Variants in KIAA0586 observed in about 807,000 individuals in gnomAD.
KIAA0586 encodes protein TALPID3.
KIAA0586 carries 144 observed loss-of-function variants against 169.8 expected under a neutral mutation model. That is an observed-to-expected ratio of 0.85 (90% CI 0.74 to 0.97). KIAA0586 has a LOEUF of 0.97. KIAA0586 is among the 50% of genes least tolerant of loss of function. KIAA0586 has a pLI of 0.00. For missense variants in KIAA0586, 1,854 were observed against 1,823.0 expected, an observed-to-expected ratio of 1.02 and a Z score of -0.31; for synonymous variants, 625 against 612.4, an observed-to-expected ratio of 1.02 and a Z score of -0.30.
chr14:58,432,420 G>T lies in KIAA0586; in HGVS notation c.373G>T (p.Gly125Ter). Residue 125 changes from glycine (G) to a stop codon, truncating the protein, a stop_gained, in exon 4 of 31, where the codon GGA (glycine) becomes TGA (stop). Coordinates refer to ENST00000652326, the MANE Select transcript of KIAA0586 (RefSeq NM_001329943.3). LOFTEE classifies it high-confidence loss of function. The part of the protein sequence containing the change: ...NDIFISQYTM[G>*]QKDALRTVLK... ...CATCTTCATTTCTCAGTATACAATGGGACAGAAAGATGCTCTAAGAACAGT... is the reference window on the plus strand; with the variant it reads ...CATCTTCATTTCTCAGTATACAATGTGACAGAAAGATGCTCTAAGAACAGT... The T allele has an allele frequency of 6.4e-7, 1 of 1,565,780 alleles. No individual in the cohort carries two copies. The highest frequency in any genetic ancestry group is 1.2e-5 in the South Asian group (1 of 82,628).
chr14:58,560,517 A>G, the KIAA0586 span, among the ~76,000 whole-genome samples: 2 of 152,208 alleles, frequency 1.3e-5, no homozygotes, highest in Non-Finnish European at 2.9e-5. Flanking sequence ...AAGTCCATTG[A>G]AAATGTGTTA....
Position 58,548,020 on chromosome 14 carries a change from T to C in KIAA0586, c.*88T>C. The stretch of plus-strand genomic sequence containing the variant: ...TAAAACCCTCTCTCAGACTGTTTGG[T>C]TTTTGAGCATATTCTGAAAAAAAAA... On this transcript the variant is annotated 3_prime_UTR_variant, in exon 31 of 31. Coordinates refer to ENST00000652326, the MANE Select transcript of KIAA0586 (RefSeq NM_001329943.3). 2 of 1,425,774 alleles carry C rather than the reference T, an allele frequency of 1.4e-6. No individual in the cohort carries two copies. The highest frequency in any genetic ancestry group is 1.9e-6 in the Non-Finnish European group (2 of 1,060,732). The allele number at this position is 1,425,774 out of a possible 1,614,324, so 88.3% of individuals were successfully genotyped here.
chr14:58,516,020 A>G (rs183661453), intron 29 of KIAA0586, among the ~76,000 whole-genome samples: 3 of 152,240 alleles, frequency 2.0e-5, no homozygotes, highest in African/African-American at 7.2e-5. Flanking sequence ...AGACACAAGC[A>G]CTGTCTCACT....
intron 4 of KIAA0586, among the ~76,000 whole-genome samples, chr14:58,439,466 C>T (rs2038114421): frequency 6.6e-6 from 1 of 152,052 alleles, no homozygotes; most frequent in African/African-American, 2.4e-5. Context: ...GGATTACAGG[C>T]GTGAGCCACC....
In KIAA0586 at chr14:58,537,892, C is replaced by T. The variant is rs193014342; in HGVS notation, c.4430-2179C>T. ...TCGATCTCCTGACCTCCTGATCTTC[C>T]CACCTTGGCCTCCCAAAGTGCTGGG... On this transcript the variant is annotated intron_variant, in intron 29 of 30. Coordinates refer to ENST00000652326, the MANE Select transcript of KIAA0586 (RefSeq NM_001329943.3). Among the ~76,000 whole-genome samples, 52 of 152,290 alleles carry T rather than the reference C, an allele frequency of 3.4e-4. 2 individuals carry two copies. The highest frequency in any genetic ancestry group is 1.5e-3 in the Admixed American group (23 of 15,302).
intron 29 of KIAA0586, among the ~76,000 whole-genome samples, chr14:58,526,058 A>G (rs1336079722): frequency 6.6e-6 from 1 of 152,220 alleles, no homozygotes; most frequent in Non-Finnish European, 1.5e-5. Context: ...CAGCAGCCCC[A>G]GTCAGGAGCT....
chr14:58,521,423 A>G (rs1729639784), intron 29 of KIAA0586: 1 of 792,836 alleles, frequency 1.3e-6, no homozygotes. Context: ...GGGCCGCTGT[A>G]GGTGGAGATG....
At chr14:58,447,331 G>A (rs2038977469) in intron 6 of KIAA0586, among the ~76,000 whole-genome samples, 1 of 151,902 alleles carries the variant, frequency 6.6e-6, no homozygotes, top group Admixed American at 6.6e-5. Context: ...AGTATTTCAT[G>A]TGCTCCATAA....
chr14:58,555,610 T>C (rs1226329834), downstream of KIAA0586, among the ~76,000 whole-genome samples: 1 of 152,176 alleles, frequency 6.6e-6, no homozygotes, highest in African/African-American at 2.4e-5. Flanking sequence ...CACTTCCTGA[T>C]CGAATTTTGA....
chr14:58,452,740 AG>A (rs2039495905), intron 8 of KIAA0586, among the ~76,000 whole-genome samples: 2 of 152,314 alleles, frequency 1.3e-5, no homozygotes, highest in South Asian at 4.1e-4. Flanking sequence ...TTTGTTGCCC[AG>A]GCTGGTCTCA....
At chr14:58,547,732 A>AT (rs1314124292) in intron 30 of KIAA0586, 49 bp from the exon 31 acceptor site, 1 of 1,555,534 alleles carries the variant, frequency 6.4e-7, no homozygotes, top group South Asian at 1.1e-5. Flanking sequence ...AAAGCACGTA[A>AT]ATACTCAGGT....
chr14:58,453,252 A>G (rs1051987575), intron 8 of KIAA0586, 98 bp from the exon 9 acceptor site: 3 of 647,540 alleles, frequency 4.6e-6, no homozygotes, highest in Non-Finnish European at 7.2e-6. Context: ...AATCATCATA[A>G]GAAGCTAACT....
chr14:58,479,443 T>C (rs2041878504), intron 20 of KIAA0586, among the ~76,000 whole-genome samples: 1 of 152,222 alleles, frequency 6.6e-6, no homozygotes. Context: ...ATATGTTTTG[T>C]AAATATTTTC....
chr14:58,449,290 G>A (rs2039156180), intron 7 of KIAA0586, among the ~76,000 whole-genome samples: 1 of 152,170 alleles, frequency 6.6e-6, no homozygotes, highest in Non-Finnish European at 1.5e-5. Flanking sequence ...ACTTTGAGAG[G>A]CCAAGGTGAG....
At chr14:58,472,619 T>C (rs1237495221) in intron 18 of KIAA0586, among the ~76,000 whole-genome samples, 4 of 151,784 alleles carry the variant, frequency 2.6e-5, no homozygotes, top group African/African-American at 9.7e-5. Flanking sequence ...GGATTCATGG[T>C]GAGGTGACTA....
Position 58,550,389 on chromosome 14 carries a change from A to G in KIAA0586, c.*2457A>G, listed in dbSNP as rs1176726267. On this transcript the variant is annotated 3_prime_UTR_variant, in exon 31 of 31. Transcript: ENST00000652326. Reference sequence around the variant, plus strand: ...CAACCACTTCAGATTCTTTTGGAATAAGACGATGTACGTAAAAACAAACTA... The same window carrying G: ...CAACCACTTCAGATTCTTTTGGAATGAGACGATGTACGTAAAAACAAACTA... The G allele has an allele frequency of 6.6e-6, 1 of 152,268 alleles. No individual in the cohort carries two copies. Among genetic ancestry groups the G allele is most frequent in the East Asian group, 1.9e-4 (1 of 5,200 alleles). 9.4% of individuals were successfully genotyped at this position (152,268 alleles called of 1,614,324 possible).
chr14:58,434,195 A>T (rs368148235), intron 4 of KIAA0586, among the ~76,000 whole-genome samples: 1 of 152,218 alleles, frequency 6.6e-6, no homozygotes, highest in Non-Finnish European at 1.5e-5. Context: ...GAGAGAATGC[A>T]TGTTAGAAGT....
rs1473309166 is a variant in KIAA0586, at chr14:58,430,647, G to A, written c.271-1G>A. 9 of 1,585,166 alleles carry A rather than the reference G, an allele frequency of 5.7e-6. No homozygotes were observed. Among genetic ancestry groups the A allele is most frequent in the South Asian group, 1.1e-5 (1 of 87,390 alleles). ...CTATTTCTTCCTTTCATATCCCAAA[G>A]GATTTTTCTAAAGACGTTGCAGTGC... is the stretch of plus-strand genomic sequence containing the variant. On this transcript the variant is annotated splice_acceptor_variant, in intron 2 of 30. Coordinates refer to ENST00000652326, the MANE Select transcript of KIAA0586 (RefSeq NM_001329943.3). LOFTEE classifies it high-confidence loss of function.
At chr14:58,512,674 G>C in intron 29 of KIAA0586, 47 bp downstream of exon 29, 1 of 987,006 alleles carries the variant, frequency 1.0e-6, no homozygotes, top group Admixed American at 3.4e-5. Flanking sequence ...ATACTTGTCT[G>C]AATATTGAAC....
Sources: gnomAD v4.1 joint callset for allele counts (sites outside exome capture counted in the v4.1 genomes callset) on GRCh38, gnomAD v4.1.1 for gene constraint, MANE v1.5 for transcripts, NCBI Gene and HGNC (gene_info 2026-07-23, HGNC 2026-07-21) for gene names.